The following SIAE variants were observed in gnomAD, a reference collection of about 807,000 sequenced individuals.
The protein encoded by SIAE is sialic acid acetylesterase.
Under a neutral mutation model 52.6 loss-of-function variants are expected in SIAE, and 39 were observed. The observed-to-expected ratio is 0.74, with a 90% CI of 0.57 to 0.97. The LOEUF (loss-of-function observed/expected upper bound fraction) is 0.97, where lower values mean the gene tolerates loss of function less well. SIAE is among the 50% of genes least tolerant of loss of function. The pLI, the probability that SIAE is intolerant of heterozygous loss-of-function variation, is 0.00. For missense variants in SIAE, 592 were observed against 662.1 expected (o/e 0.89, Z 1.16); for synonymous variants, 233 against 241.4 (o/e 0.97, Z 0.32).
chr11:124,638,309 T>G (rs1205379180), intron 9 of SIAE, among the ~76,000 whole-genome samples: 1 of 152,266 alleles, frequency 6.6e-6, no homozygotes, highest in African/African-American at 2.4e-5. Flanking sequence ...TTAAAAATTT[T>G]TTAAAGTCCA....
chr11:124,658,980 T>C (rs1943143008), intron 3 of SIAE: 2 of 152,260 alleles, frequency 1.3e-5, no homozygotes, highest in Admixed American at 1.3e-4. Flanking sequence ...TCTTGCAAAC[T>C]AAGTGCATGA....
rs1410567446 is a variant in SIAE, at chr11:124,633,168, G to A, written c.*3783C>T. 1 of 152,122 alleles carries A rather than the reference G, an allele frequency of 6.6e-6. No individual in the cohort carries two copies. The highest frequency in any genetic ancestry group is 1.5e-5 in the Non-Finnish European group (1 of 68,030). The allele number at this position is 152,122 out of a possible 1,614,324, so 9.4% of individuals were successfully genotyped here. On this transcript the variant is annotated 3_prime_UTR_variant, in exon 10 of 10. Coordinates refer to ENST00000263593, the MANE Select transcript of SIAE (RefSeq NM_170601.5). ...TGCACCTCAGATAATGTGCTTTTTA[G>A]CTCAGTACACTGAAACCATATGATA... is the stretch of plus-strand genomic sequence containing the variant.
chr11:124,657,004 C>T (rs1443568480), intron 3 of SIAE, among the ~76,000 whole-genome samples: 2 of 152,144 alleles, frequency 1.3e-5, no homozygotes, highest in Non-Finnish European at 2.9e-5. Flanking sequence ...AAGATGCTGC[C>T]CCTTGAATCT....
rs74409680 is a variant in SIAE, at chr11:124,645,983, G to A, written c.966+1382C>T. Among the ~76,000 whole-genome samples, 1,634 of 152,290 alleles carry A rather than the reference G, an allele frequency of 0.011. 34 individuals are homozygous for A. The highest frequency in any genetic ancestry group is 0.037 in the African/African-American group (1,523 of 41,558). On this transcript the variant is annotated intron_variant, in intron 7 of 9. Coordinates refer to ENST00000263593, the MANE Select transcript of SIAE (RefSeq NM_170601.5). The surrounding 1 kb of genome is among the most constrained non-coding windows in gnomAD (Gnocchi z 4.7). ...GTCATCTGTGGGGCGTGCGGAGGTG[G>A]TGTCTGGGACCATGGATGTCCCATT...
At chr11:124,675,087 T>C, upstream of SIAE, 1 of 689,752 alleles carries the variant, frequency 1.4e-6, no homozygotes, top group South Asian at 2.3e-5. Flanking sequence ...TTCAAAACTC[T>C]TTGGAAGAAA....
At chr11:124,656,329 C>T (rs1279052344) in intron 3 of SIAE, among the ~76,000 whole-genome samples, 1 of 152,220 alleles carries the variant, frequency 6.6e-6, no homozygotes, top group African/African-American at 2.4e-5. Flanking sequence ...GTGGATACCA[C>T]AGGCTGACAG....
chr11:124,637,178 A>G lies in SIAE; in HGVS notation c.1345T>C (p.Cys449Arg). Residue 449 changes from cysteine to arginine, a missense_variant, in exon 10 of 10, where the codon TGC becomes CGC. Transcript: ENST00000263593. Reference sequence around the variant, plus strand: ...TTCATAGAAGCTGGAAGCCACTTGCATCGATGGTCACTGCAACAGGAGATC... The same window carrying G: ...TTCATAGAAGCTGGAAGCCACTTGCGTCGATGGTCACTGCAACAGGAGATC... The part of the protein sequence containing the change: ...FEISCCSDHR[C>R]KWLPASMNTV... 6.2e-7 allele frequency: 1 copy of G among 1,614,216 alleles called. No individual in the cohort carries two copies. The highest frequency in any genetic ancestry group is 8.5e-7 in the Non-Finnish European group (1 of 1,180,044).
At chr11:124,671,186 T>C (rs987379207) in intron 1 of SIAE, among the ~76,000 whole-genome samples, 3 of 152,210 alleles carry the variant, frequency 2.0e-5, no homozygotes, top group Non-Finnish European at 4.4e-5. Context: ...GGAAAGGATC[T>C]TCATAATCGT....
At chr11:124,662,960 C>T (rs185005683) in intron 2 of SIAE, among the ~76,000 whole-genome samples, 1 of 151,852 alleles carries the variant, frequency 6.6e-6, no homozygotes, top group Non-Finnish European at 1.5e-5. Context: ...GCCTGGCCAA[C>T]ATGGTGAAAC....
Position 124,635,907 on chromosome 11 carries a change from AAC to A in SIAE, c.*1042_*1043del, listed in dbSNP as rs1459364611. ...ACTGCATTAAGATTCTTAATAAACA[AAC>A]ACTGAAGGCCTCTTTCATATTTGTA... is the stretch of plus-strand genomic sequence containing the variant. On this transcript the variant is annotated 3_prime_UTR_variant, in exon 10 of 10. Transcript: ENST00000263593. The A allele has an allele frequency of 6.6e-6, 1 of 152,226 alleles. No homozygotes were observed. The highest frequency in any genetic ancestry group is 1.5e-5 in the Non-Finnish European group (1 of 68,036). The allele number at this position is 152,226 out of a possible 1,614,324, so 9.4% of individuals were successfully genotyped here.
In SIAE at chr11:124,636,814, G is replaced by T; in HGVS notation, c.*137C>A. ...CTGGGCTCATCAGAATATAGAAACA[G>T]CCATGTGCTAGCTGAAAGCCATTCA... On this transcript the variant is annotated 3_prime_UTR_variant, in exon 10 of 10. Transcript: ENST00000263593. The T allele has an allele frequency of 8.1e-7, 1 of 1,237,408 alleles. No homozygotes were observed. The highest frequency in any genetic ancestry group is 1.2e-6 in the Non-Finnish European group (1 of 849,746). The allele number at this position is 1,237,408 out of a possible 1,614,324, so 76.7% of individuals were successfully genotyped here.
In SIAE at chr11:124,669,483, T is replaced by C; in HGVS notation, c.106A>G (p.Met36Val). 2.5e-6 allele frequency: 4 copies of C among 1,614,144 alleles called. No homozygotes were observed. Among genetic ancestry groups the C allele is most frequent in the Non-Finnish European group, 3.4e-6 (4 of 1,180,020 alleles). ...FRFASYINND[M>V]VLQKEPAGAV... ...CCAGCAGGCTCCTTCTGCAGCACCATATCATTATTGATGTATGAAGCAAAG... is the reference window on the plus strand; with the variant it reads ...CCAGCAGGCTCCTTCTGCAGCACCACATCATTATTGATGTATGAAGCAAAG... The change falls in exon 2 of 10, where the codon ATG becomes GTG. Residue 36 changes from methionine (M) to valine (V), a missense_variant. By Grantham distance (21) the Met-to-Val change is conservative (BLOSUM62 1). Transcript: ENST00000263593.
At chr11:124,673,943 G>A (rs1331084440), upstream of SIAE, 3 of 578,340 alleles carry the variant, frequency 5.2e-6, no homozygotes, top group Non-Finnish European at 9.2e-6. Context: ...CCAGCTCGGA[G>A]AGAAAGGAGG....
intron 8 of SIAE, among the ~76,000 whole-genome samples, chr11:124,639,457 G>T (rs1249505848): frequency 6.6e-6 from 1 of 152,188 alleles, no homozygotes; most frequent in East Asian, 1.9e-4. Flanking sequence ...ATTGCTCTGG[G>T]TCTATGAATG....
At chr11:124,657,837 G>A (rs1385357182) in intron 3 of SIAE, among the ~76,000 whole-genome samples, 14 of 152,174 alleles carry the variant, frequency 9.2e-5, no homozygotes, top group Admixed American at 9.2e-4. Flanking sequence ...GGGGATATGT[G>A]CAGCAAACTT....
At chr11:124,644,227 G>T (rs1942893051) in intron 7 of SIAE, among the ~76,000 whole-genome samples, 1 of 151,718 alleles carries the variant, frequency 6.6e-6, no homozygotes, top group Non-Finnish European at 1.5e-5. Context: ...CTAGAAAATG[G>T]GAATAAAAAA....
intron 4 of SIAE, among the ~76,000 whole-genome samples, chr11:124,653,154 T>A (rs1943041581): frequency 6.6e-6 from 1 of 152,158 alleles, no homozygotes; most frequent in Admixed American, 6.5e-5. Flanking sequence ...CATCAGATAC[T>A]TTGTCTATAA....
intron 9 of SIAE, 63 bp downstream of exon 9, chr11:124,638,479 G>A: frequency 6.5e-7 from 1 of 1,543,902 alleles, no homozygotes; most frequent in Non-Finnish European, 9.0e-7. Context: ...ATGGCCTCAA[G>A]TGCGGAGGAA....
chr11:124,658,875 C>A (rs1943141870), intron 3 of SIAE: 1 of 152,006 alleles, frequency 6.6e-6, no homozygotes, highest in Non-Finnish European at 1.5e-5. Context: ...AACAGAAAGC[C>A]ATGTAGAACA....
Sources: gnomAD v4.1 joint callset for allele counts (sites outside exome capture counted in the v4.1 genomes callset) on GRCh38, gnomAD v4.1.1 for gene constraint, Gnocchi (gnomAD v3.1) non-coding constraint, MANE v1.5 for transcripts, NCBI Gene and HGNC (gene_info 2026-07-23, HGNC 2026-07-21) for gene names.